KCNE2: variants seen among roughly 807,000 people sequenced by gnomAD.
The protein encoded by KCNE2 is potassium voltage-gated channel subfamily E regulatory subunit 2.
In KCNE2, 4 loss-of-function variants were observed where a neutral mutation model predicts 4.5. The observed-to-expected ratio is 0.89, with a 90% confidence interval of 0.44 to 2.03. The LOEUF is 2.03. Ranked by LOEUF, KCNE2 falls within the 30% of genes most tolerant of loss-of-function variation. The pLI is 0.03. For missense variants in KCNE2, 137 were observed against 151.4 expected, an observed-to-expected ratio of 0.90 and a Z score of 0.50; for synonymous variants, 57 against 55.9, an observed-to-expected ratio of 1.02 and a Z score of -0.09.
intron 1 of KCNE2, among the ~76,000 whole-genome samples, chr21:34,366,782 A>G (rs1268863869): frequency 6.6e-6 from 1 of 151,842 alleles, no homozygotes; most frequent in Non-Finnish European, 1.5e-5. Context: ...GATCGAGACC[A>G]TCCTGGCTAA....
chr21:34,366,915 C>T (rs879694678), intron 1 of KCNE2, among the ~76,000 whole-genome samples: 34 of 124,518 alleles, frequency 2.7e-4, no homozygotes, highest in Non-Finnish European at 4.6e-4. Context: ...GGAGGCAGAG[C>T]TTGCAGTAAG....
In KCNE2 at chr21:34,370,903, C is replaced by A; in HGVS notation, c.*53C>A. The A allele has an allele frequency of 3.7e-6, 6 of 1,610,460 alleles. No individual in the cohort carries two copies. Among genetic ancestry groups the A allele is most frequent in the Non-Finnish European group, 5.1e-6 (6 of 1,178,536 alleles). On this transcript the variant is annotated 3_prime_UTR_variant, in exon 2 of 2. Coordinates refer to ENST00000290310, the MANE Select transcript of KCNE2 (RefSeq NM_172201.2). Reference sequence around the variant, plus strand: ...CTGACGTCCAGACATGAAGAGATGCCAGTGCCACGAGGCAAATCCAAATTG... The same window carrying A: ...CTGACGTCCAGACATGAAGAGATGCAAGTGCCACGAGGCAAATCCAAATTG...
chr21:34,368,212 C>CACAT (rs1979392843), intron 1 of KCNE2, among the ~76,000 whole-genome samples: 1 of 95,322 alleles, frequency 1.0e-5, no homozygotes, highest in Non-Finnish European at 1.9e-5. Context: ...CACACACACA[C>CACAT]ACACACACAC....
At position 34,370,570 on chromosome 21, in the gene KCNE2, C is replaced by T. The variant is rs757208768; in HGVS notation, c.92C>T (p.Thr31Ile). ...ATGGACAATTGGCGCCAGAACACAACAGCTGAGCAAGAGGCCCTCCAAGCC... is the reference window on the plus strand; with the variant it reads ...ATGGACAATTGGCGCCAGAACACAATAGCTGAGCAAGAGGCCCTCCAAGCC... ...TYMDNWRQNT[T>I]AEQEALQAKV... Residue 31 changes from threonine to isoleucine, a missense_variant, in exon 2 of 2, where the codon ACA becomes ATA. Transcript: ENST00000290310. 6 of 1,614,196 alleles carry T rather than the reference C, an allele frequency of 3.7e-6. No homozygotes were observed. Among genetic ancestry groups the T allele is most frequent in the Non-Finnish European group, 5.1e-6 (6 of 1,180,038 alleles).
intron 1 of KCNE2, among the ~76,000 whole-genome samples, chr21:34,366,549 TC>T (rs1174264559): frequency 6.6e-6 from 1 of 152,064 alleles, no homozygotes; most frequent in East Asian, 1.9e-4. Context: ...AGTAAAGCAA[TC>T]CCTGCCTTCC....
chr21:34,364,945 T>G (rs1979230459), intron 1 of KCNE2, among the ~76,000 whole-genome samples: 1 of 152,166 alleles, frequency 6.6e-6, no homozygotes, highest in Non-Finnish European at 1.5e-5. Flanking sequence ...TAATGACATG[T>G]GTAAGCTCAA....
Position 34,367,726 on chromosome 21 carries a change from A to C in KCNE2, c.-12-2741A>C, listed in dbSNP as rs972034990. Among the ~76,000 whole-genome samples the C allele has an allele frequency of 2.6e-5, 4 of 152,296 alleles. No homozygotes were observed. In the South Asian group the frequency reaches 8.3e-4, roughly 32 times the overall value. Reference sequence around the variant, plus strand: ...ATTGAAATTCCTTTCCCAGATGGGGAGATCTGATTCTCTTTTCATGAAGGA... The same window carrying C: ...ATTGAAATTCCTTTCCCAGATGGGGCGATCTGATTCTCTTTTCATGAAGGA... On this transcript the variant is annotated intron_variant, in intron 1 of 1. Coordinates refer to ENST00000290310, the MANE Select transcript of KCNE2 (RefSeq NM_172201.2).
At chr21:34,366,911 A>G (rs369896207) in intron 1 of KCNE2, among the ~76,000 whole-genome samples, 16 of 139,972 alleles carry the variant, frequency 1.1e-4, no homozygotes, top group African/African-American at 2.7e-4. Context: ...CCCGGGAGGC[A>G]GAGCTTGCAG....
intron 1 of KCNE2, among the ~76,000 whole-genome samples, chr21:34,367,495 T>C (rs1202933159): frequency 6.6e-6 from 1 of 152,146 alleles, no homozygotes; most frequent in Non-Finnish European, 1.5e-5. Context: ...ATTTGTTAAG[T>C]TTCCTTCCAA....
At chr21:34,368,952 G>A (rs149235364) in intron 1 of KCNE2, among the ~76,000 whole-genome samples, 144 of 152,240 alleles carry the variant, frequency 9.5e-4, no homozygotes, top group South Asian at 2.5e-3. Flanking sequence ...AACCAGGGAA[G>A]TCTCAGAAGT....
intron 1 of KCNE2, among the ~76,000 whole-genome samples, chr21:34,369,118 C>A (rs189234669): frequency 9.7e-4 from 148 of 152,196 alleles, no homozygotes; most frequent in Non-Finnish European, 9.7e-4. Context: ...CTGTAGTGAG[C>A]AAAGGGTAAC....
chr21:34,365,982 A>T (rs986758045), intron 1 of KCNE2, among the ~76,000 whole-genome samples: 1 of 152,206 alleles, frequency 6.6e-6, no homozygotes, highest in African/African-American at 2.4e-5. Flanking sequence ...GCACTTAGAC[A>T]TTTAATCCCT....
intron 1 of KCNE2, among the ~76,000 whole-genome samples, chr21:34,366,715 C>T (rs1196615324): frequency 2.0e-5 from 3 of 152,014 alleles, no homozygotes; most frequent in Admixed American, 6.6e-5. Context: ...CACGGTGGCT[C>T]ACGCCTGTAA....
At chr21:34,368,229 A>ACACACAC (rs781775671) in intron 1 of KCNE2, among the ~76,000 whole-genome samples, 1 of 84,810 alleles carries the variant, frequency 1.2e-5, no homozygotes, top group Non-Finnish European at 2.0e-5. Context: ...ACACACACAC[A>ACACACAC]ATATATATAT....
At chr21:34,365,621 C>T (rs989943834) in intron 1 of KCNE2, among the ~76,000 whole-genome samples, 9 of 152,108 alleles carry the variant, frequency 5.9e-5, no homozygotes, top group South Asian at 4.1e-4. Context: ...GGTGGTGTCT[C>T]GCTATGTTGT....
At chr21:34,369,410 C>T (rs1450931338) in intron 1 of KCNE2, among the ~76,000 whole-genome samples, 2 of 152,124 alleles carry the variant, frequency 1.3e-5, no homozygotes, top group African/African-American at 4.8e-5. Flanking sequence ...GTTAGCCAGG[C>T]GTGGTGACAT....
At position 34,368,367 on chromosome 21, in the gene KCNE2, G is replaced by A. The variant is rs542046708; in HGVS notation, c.-12-2100G>A. ...TGTAATCTCAGCACTTTGGGAGGCC[G>A]AGGCAGGTGGATCACGAGGTCACGA... On this transcript the variant is annotated intron_variant, in intron 1 of 1. Coordinates refer to ENST00000290310, the MANE Select transcript of KCNE2 (RefSeq NM_172201.2). Among the ~76,000 whole-genome samples the A allele has an allele frequency of 1.2e-4, 18 of 151,252 alleles. 1 individual carries two copies. The South Asian group carries it at 2.7e-3, about 23-fold the overall frequency.
At chr21:34,368,244 A>ATGT (rs1979414398) in intron 1 of KCNE2, among the ~76,000 whole-genome samples, 2 of 122,756 alleles carry the variant, frequency 1.6e-5, no homozygotes, top group African/African-American at 3.7e-5. Flanking sequence ...ATATATATAT[A>ATGT]TATATATATA....
At chr21:34,368,228 C>CAA (rs1979403691) in intron 1 of KCNE2, among the ~76,000 whole-genome samples, 1 of 51,366 alleles carries the variant, frequency 1.9e-5, no homozygotes, top group Non-Finnish European at 3.5e-5. Flanking sequence ...CACACACACA[C>CAA]AATATATATA....
Sources: gnomAD v4.1 joint callset for allele counts (sites outside exome capture counted in the v4.1 genomes callset) on GRCh38, gnomAD v4.1.1 for gene constraint, MANE v1.5 for transcripts, NCBI Gene and HGNC (gene_info 2026-07-23, HGNC 2026-07-21) for gene names.